The following DCAF8L2 variants were observed in gnomAD, a reference collection of about 807,000 sequenced individuals.
DCAF8L2 encodes DDB1- and CUL4-associated factor 8-like protein 2.
For synonymous variants in DCAF8L2, 200 were observed against 190.9 expected (o/e 1.05, Z -0.39); for missense variants, 430 against 490.7 (o/e 0.88, Z 1.17).
At chrX:27,608,856 C>T (rs2147133599) in intron 1 of DCAF8L2, among the ~76,000 whole-genome samples, 1 of 110,616 alleles carries the variant, frequency 9.0e-6, no homozygotes, top group East Asian at 2.9e-4. Flanking sequence ...CAGCTCAGGC[C>T]TGGTGTCCAA....
intron 3 of DCAF8L2, among the ~76,000 whole-genome samples, chrX:27,715,115 G>A (rs1416129917): frequency 1.8e-5 from 2 of 110,432 alleles, no homozygotes; most frequent in African/African-American, 6.6e-5. Context: ...AGAGTAGGCC[G>A]GGCACGGTGG....
Position 27,746,839 on chromosome X carries a change from G to A in DCAF8L2, c.-57G>A. The A allele has an allele frequency of 9.0e-7, 1 of 1,108,873 alleles. No individual in the cohort carries two copies. The highest frequency in any genetic ancestry group is 1.2e-6 in the Non-Finnish European group (1 of 835,790). The allele number at this position is 1,108,873 out of a possible 1,213,427, so 91.4% of individuals were successfully genotyped here. ...ACCGCAGGCCAACTTTCTTCCCAGA[G>A]CTTTTAGGGGCCTGGCCTTTGCAGT... is the stretch of plus-strand genomic sequence containing the variant. On this transcript the variant is annotated splice_region_variant and 5_prime_UTR_variant, in exon 5 of 5. Coordinates refer to ENST00000451261, the MANE Select transcript of DCAF8L2 (RefSeq NM_001353450.2).
At chrX:27,521,181 C>T in the DCAF8L2 span, among the ~76,000 whole-genome samples, 2 of 112,001 alleles carry the variant, frequency 1.8e-5, no homozygotes, top group Non-Finnish European at 3.8e-5. Context: ...CCATTACCAC[C>T]ATGTGACATC....
At chrX:27,740,816 T>C (rs1196409484) in intron 4 of DCAF8L2, among the ~76,000 whole-genome samples, 1 of 112,345 alleles carries the variant, frequency 8.9e-6, no homozygotes, top group Non-Finnish European at 1.9e-5. Flanking sequence ...ACAACCCATA[T>C]TCTATATGCA....
intron 1 of DCAF8L2, among the ~76,000 whole-genome samples, chrX:27,629,463 T>TTTTC (rs1406915061): frequency 1.8e-5 from 2 of 110,327 alleles, no homozygotes; most frequent in African/African-American, 6.6e-5. Context: ...TCTCTCTCTT[T>TTTTC]TTTCTTTCTT....
chrX:27,517,149 A>G, the DCAF8L2 span, among the ~76,000 whole-genome samples: 1 of 112,010 alleles, frequency 8.9e-6, no homozygotes, highest in Non-Finnish European at 1.9e-5. Flanking sequence ...TTGGATTAAA[A>G]AAACTAACCA....
the DCAF8L2 span, among the ~76,000 whole-genome samples, chrX:27,574,416 G>A: frequency 1.8e-5 from 2 of 111,942 alleles, no homozygotes; most frequent in East Asian, 5.7e-4. Context: ...GTTATTTTAT[G>A]CAGTTCACTG....
intron 1 of DCAF8L2, among the ~76,000 whole-genome samples, chrX:27,602,836 AC>A (rs1029227630): frequency 3.6e-5 from 4 of 112,112 alleles, no homozygotes; most frequent in South Asian, 3.6e-4. Flanking sequence ...CACTAAAAAA[AC>A]ATGAGTATAA....
chrX:27,534,504 T>A, the DCAF8L2 span, among the ~76,000 whole-genome samples: 1 of 112,271 alleles, frequency 8.9e-6, no homozygotes, highest in Non-Finnish European at 1.9e-5. Flanking sequence ...TAACACATTC[T>A]TTTTGCTCTA....
intron 4 of DCAF8L2, among the ~76,000 whole-genome samples, chrX:27,721,245 C>T (rs1459096140): frequency 9.0e-6 from 1 of 111,225 alleles, no homozygotes; most frequent in Non-Finnish European, 1.9e-5. Flanking sequence ...ATAATGGCAG[C>T]AAATACTTTA....
In DCAF8L2 at chrX:27,748,181, T is replaced by C. The variant is rs1336802957; in HGVS notation, c.1286T>C (p.Val429Ala). The change falls in exon 5 of 5, where the codon GTG (valine) becomes GCG (alanine). Residue 429 changes from valine to alanine, a missense_variant. Coordinates refer to ENST00000451261, the MANE Select transcript of DCAF8L2 (RefSeq NM_001353450.2). Reference protein sequence around the residue: ...CDFPTNITCVVYSHDGTELLA... With the variant: ...CDFPTNITCVAYSHDGTELLA... ...TTCCCAACAAACATCACCTGCGTTG[T>C]GTACAGCCACGATGGCACAGAGCTG... 8.3e-7 allele frequency: 1 copy of C among 1,210,590 alleles called. No homozygotes were observed. Among genetic ancestry groups the C allele is most frequent in the Non-Finnish European group, 1.1e-6 (1 of 895,432 alleles).
chrX:27,590,991 T>TTTTATATATATATATATA lies in DCAF8L2; in HGVS notation c.-342+552_-342+553insTTATATATATATATATAT, dbSNP rs761150025. 1.1e-3 allele frequency among the ~76,000 whole-genome samples: 73 copies of TTTTATATATATATATATA among 68,054 alleles called. 1 individual carries two copies. The highest frequency in any genetic ancestry group is 9.7e-3 in the Admixed American group (49 of 5,033). The allele number at this position is 68,054 out of a possible 115,157, so 59.1% of individuals were successfully genotyped here. On this transcript the variant is annotated intron_variant, in intron 1 of 4. Coordinates refer to ENST00000451261, the MANE Select transcript of DCAF8L2 (RefSeq NM_001353450.2). ...AAATGTTTATAAAAGCCTTTACATT[T>TTTTATATATATATATATA]TATATATATATATATATATATATAA... is the stretch of plus-strand genomic sequence containing the variant.
the DCAF8L2 span, among the ~76,000 whole-genome samples, chrX:27,480,198 A>C: frequency 2.7e-5 from 3 of 112,609 alleles, no homozygotes; most frequent in African/African-American, 9.7e-5. Flanking sequence ...CATTAGAGGT[A>C]CAACACTAAA....
At chrX:27,640,198 C>G (rs1176189891) in intron 2 of DCAF8L2, among the ~76,000 whole-genome samples, 1 of 111,901 alleles carries the variant, frequency 8.9e-6, no homozygotes, top group Non-Finnish European at 1.9e-5. Context: ...TGTTCTCACA[C>G]ATAGGTAGGA....
chrX:27,566,846 AG>A, the DCAF8L2 span, among the ~76,000 whole-genome samples: 1 of 110,043 alleles, frequency 9.1e-6, no homozygotes, highest in South Asian at 3.8e-4. Flanking sequence ...TGCTTTTTTA[AG>A]GTAGGCGTTT....
chrX:27,683,716 G>C (rs919247747), intron 3 of DCAF8L2, among the ~76,000 whole-genome samples: 7 of 111,863 alleles, frequency 6.3e-5, no homozygotes, highest in African/African-American at 2.0e-4. Flanking sequence ...CCCTCCCAGG[G>C]TGGCCTTTAA....
the DCAF8L2 span, among the ~76,000 whole-genome samples, chrX:27,492,034 A>G: frequency 5.3e-5 from 6 of 112,400 alleles, no homozygotes; most frequent in Admixed American, 9.4e-5. Context: ...TACCACTATA[A>G]CAAAGGGAAA....
the DCAF8L2 span, among the ~76,000 whole-genome samples, chrX:27,526,249 T>G: frequency 8.9e-6 from 1 of 112,168 alleles, no homozygotes; most frequent in African/African-American, 3.2e-5. Context: ...TTCTCTAAAC[T>G]TCTCTTCCTG....
At chrX:27,566,557 T>G in the DCAF8L2 span, among the ~76,000 whole-genome samples, 3 of 111,231 alleles carry the variant, frequency 2.7e-5, no homozygotes, top group African/African-American at 6.5e-5. Context: ...AAAATCCTTT[T>G]TGAGTTTTGA....
Sources: gnomAD v4.1 joint callset for allele counts (sites outside exome capture counted in the v4.1 genomes callset) on GRCh38, gnomAD v4.1.1 for gene constraint, MANE v1.5 for transcripts, NCBI Gene and HGNC (gene_info 2026-07-23, HGNC 2026-07-21) for gene names.